Variants in PRELID2 observed in about 807,000 individuals in gnomAD.
PRELID2 encodes PRELI domain-containing protein 2.
In PRELID2, 25 loss-of-function variants were observed where a neutral mutation model predicts 28.4. That is an observed-to-expected ratio of 0.88 (90% CI 0.64 to 1.23). PRELID2 has a LOEUF of 1.23. Ranked by LOEUF, PRELID2 falls within the 50% of genes most tolerant of loss-of-function variation. PRELID2 has a pLI of 0.00. For missense variants in PRELID2, 201 were observed against 214.4 expected (o/e 0.94, Z 0.39); for synonymous variants, 76 against 71.6 (o/e 1.06, Z -0.31).
chr5:145,232,891 T>C, the PRELID2 span, among the ~76,000 whole-genome samples: 1 of 151,946 alleles, frequency 6.6e-6, no homozygotes, highest in Non-Finnish European at 1.5e-5. Context: ...TATCACATAG[T>C]AGGCACTCAG....
At chr5:145,689,696 A>G (rs1244870308) in intron 1 of PRELID2, among the ~76,000 whole-genome samples, 1 of 152,202 alleles carries the variant, frequency 6.6e-6, no homozygotes, top group African/African-American at 2.4e-5. Context: ...GAGCAAAAAA[A>G]GGAGATGAAG....
the PRELID2 span, among the ~76,000 whole-genome samples, chr5:145,461,470 T>C: frequency 2.0e-5 from 3 of 152,080 alleles, no homozygotes; most frequent in Non-Finnish European, 2.9e-5. Context: ...ACCTGGATAA[T>C]TTTTTGTATA....
the PRELID2 span, among the ~76,000 whole-genome samples, chr5:145,402,434 C>A: frequency 3.8e-4 from 58 of 152,230 alleles, no homozygotes; most frequent in Middle Eastern, 3.4e-3. Flanking sequence ...GGATTTAGGG[C>A]AAAAACTGAA....
chr5:145,261,029 G>A, the PRELID2 span, among the ~76,000 whole-genome samples: 5 of 152,164 alleles, frequency 3.3e-5, no homozygotes, highest in Non-Finnish European at 7.4e-5. Context: ...AGCTAGGTGA[G>A]GCCTGTGGCT....
In PRELID2 at chr5:145,724,600, AATATATATATATATATATATATATAT is replaced by A. The variant is rs59677300; in HGVS notation, n.70+40305_70+40330del. On this transcript the variant is annotated intron_variant and non_coding_transcript_variant, in intron 1 of 2. Coordinates refer to the PRELID2 transcript ENST00000510259. ...ACACTGAAATAACAAGAAGTAAATA[AATATATATATATATATATATATATAT>A]ATATATATATATATATATATAATGC... Among the ~76,000 whole-genome samples, 50 of 24,778 alleles carry A rather than the reference AATATATATATATATATATATATATAT, an allele frequency of 2.0e-3. 1 individual carries two copies. Among genetic ancestry groups the A allele is most frequent in the East Asian group, 9.3e-3 (6 of 644 alleles). 16.3% of individuals were successfully genotyped at this position (24,778 alleles called of 152,430 possible). A position where few individuals can be genotyped will look rare whatever the true frequency, so the allele number is the denominator to read the frequency against.
chr5:145,806,645 G>A (rs1753532128), intron 4 of PRELID2, among the ~76,000 whole-genome samples: 1 of 152,212 alleles, frequency 6.6e-6, no homozygotes, highest in African/African-American at 2.4e-5. Context: ...GTTTGGCTCT[G>A]TGTCCCCACC....
chr5:145,432,645 G>T, the PRELID2 span, among the ~76,000 whole-genome samples: 1 of 151,914 alleles, frequency 6.6e-6, no homozygotes, highest in African/African-American at 2.4e-5. Flanking sequence ...GAGATGGCGG[G>T]GGGCACTACT....
the PRELID2 span, among the ~76,000 whole-genome samples, chr5:145,330,237 CTGT>C: frequency 6.6e-6 from 1 of 151,796 alleles, no homozygotes; most frequent in African/African-American, 2.4e-5. Context: ...AAATTTTCTT[CTGT>C]TGTTGTGTCT....
At chr5:145,307,793 GA>G in the PRELID2 span, among the ~76,000 whole-genome samples, 1,470 of 147,906 alleles carry the variant, frequency 9.9e-3, 21 homozygotes, top group East Asian at 0.055. Flanking sequence ...ATTGGAGCAG[GA>G]AAAAAAAAAA....
At chr5:145,623,803 A>G (rs1453983344) in intron 1 of PRELID2, among the ~76,000 whole-genome samples, 1 of 152,190 alleles carries the variant, frequency 6.6e-6, no homozygotes, top group African/African-American at 2.4e-5. Flanking sequence ...AGCTTTTCCA[A>G]CAGCGCTCCC....
chr5:145,753,210 A>T (rs1053258196), downstream of PRELID2, among the ~76,000 whole-genome samples: 2 of 152,136 alleles, frequency 1.3e-5, no homozygotes, highest in African/African-American at 2.4e-5. Flanking sequence ...AGTTTAATTT[A>T]ACAGGATAGT....
intron 1 of PRELID2, among the ~76,000 whole-genome samples, chr5:145,683,573 T>C (rs1251138447): frequency 2.0e-5 from 3 of 152,204 alleles, no homozygotes; most frequent in Admixed American, 6.5e-5. Context: ...TCTGTGTGCA[T>C]GCATCCCTAG....
intron 1 of PRELID2, among the ~76,000 whole-genome samples, chr5:145,600,434 A>AATATATATATATATATATATATATATAT (rs1299956414): frequency 8.3e-6 from 1 of 120,094 alleles, no homozygotes; most frequent in African/African-American, 4.1e-5. Context: ...AAAAAAAAAA[A>AATATATATATATATATATATATATATAT]ATATATATAT....
intron 1 of PRELID2, among the ~76,000 whole-genome samples, chr5:145,508,592 A>ATTAAT (rs1193796418): frequency 2.0e-5 from 3 of 152,062 alleles, no homozygotes; most frequent in Non-Finnish European, 4.4e-5. Flanking sequence ...AAAGAAAGAA[A>ATTAAT]ACATTGTGTC....
intron 1 of PRELID2, among the ~76,000 whole-genome samples, chr5:145,560,304 T>C (rs1488054242): frequency 6.6e-6 from 1 of 152,202 alleles, no homozygotes; most frequent in African/African-American, 2.4e-5. Flanking sequence ...TCTCAACCAG[T>C]AAGCTCAAGT....
intron 1 of PRELID2, among the ~76,000 whole-genome samples, chr5:145,492,345 A>ATACTCCCTTCTCCCTCGCTGCCTAT (rs1448409136): frequency 6.3e-5 from 9 of 143,500 alleles, no homozygotes; most frequent in South Asian, 2.5e-4. Context: ...ATGTCTATTC[A>ATACTCCCTTCTCCCTCGCTGCCTAT]GGTCCTTTGC....
the PRELID2 span, among the ~76,000 whole-genome samples, chr5:145,449,208 G>A: frequency 6.6e-6 from 1 of 152,078 alleles, no homozygotes; most frequent in Non-Finnish European, 1.5e-5. Context: ...CCACGTGTTA[G>A]CACATGTTCA....
the PRELID2 span, among the ~76,000 whole-genome samples, chr5:145,328,085 T>C: frequency 6.6e-6 from 1 of 152,204 alleles, no homozygotes; most frequent in Non-Finnish European, 1.5e-5. Flanking sequence ...GTTTCCAGCT[T>C]CATCCATGTC....
chr5:145,289,613 C>G, the PRELID2 span, among the ~76,000 whole-genome samples: 3 of 152,112 alleles, frequency 2.0e-5, no homozygotes, highest in Non-Finnish European at 2.9e-5. Flanking sequence ...GTGCAAATAC[C>G]TAGGAGCACT....
Sources: gnomAD v4.1 joint callset for allele counts (sites outside exome capture counted in the v4.1 genomes callset) on GRCh38, gnomAD v4.1.1 for gene constraint, MANE v1.5 for transcripts, NCBI Gene and HGNC (gene_info 2026-07-23, HGNC 2026-07-21) for gene names.